PKIB: variants seen among roughly 807,000 people sequenced by gnomAD.
PKIB encodes the protein cAMP-dependent protein kinase inhibitor beta.
Under a neutral mutation model 4.5 loss-of-function variants are expected in PKIB, and 2 were observed. The observed-to-expected ratio is 0.44, with a 90% confidence interval of 0.18 to 1.39. The LOEUF (loss-of-function observed/expected upper bound fraction) is 1.39. Among genes scored for constraint, PKIB ranks in the 40% most tolerant of loss-of-function variants. The pLI is 0.27. For synonymous variants in PKIB, 38 were observed against 36.0 expected, an observed-to-expected ratio of 1.06 and a Z score of -0.20; for missense variants, 94 against 92.6, an observed-to-expected ratio of 1.02 and a Z score of -0.06.
intron 2 of PKIB, among the ~76,000 whole-genome samples, chr6:122,570,546 A>C (rs1773331499): frequency 6.6e-6 from 1 of 152,190 alleles, no homozygotes; most frequent in African/African-American, 2.4e-5. Context: ...ACCCCATATG[A>C]GACAGTGAAC....
At chr6:122,496,428 G>T (rs1776077629) in intron 2 of PKIB, among the ~76,000 whole-genome samples, 1 of 152,144 alleles carries the variant, frequency 6.6e-6, no homozygotes, top group African/African-American at 2.4e-5. Context: ...TCAAAGCATA[G>T]ATGTCAAGGA....
At chr6:122,690,345 G>A (rs1301711933) in intron 3 of PKIB, among the ~76,000 whole-genome samples, 1 of 151,710 alleles carries the variant, frequency 6.6e-6, no homozygotes, top group Admixed American at 6.6e-5. Context: ...GTTCCTTTTA[G>A]TGAAGATGAT....
At chr6:122,611,439 G>A (rs889531726) in intron 1 of PKIB, among the ~76,000 whole-genome samples, 1 of 152,170 alleles carries the variant, frequency 6.6e-6, no homozygotes, top group Non-Finnish European at 1.5e-5. Flanking sequence ...CACCCTGCAG[G>A]TGGTAGTGTT....
At chr6:122,587,028 G>GTT (rs758668733) in intron 3 of PKIB, among the ~76,000 whole-genome samples, 1 of 149,648 alleles carries the variant, frequency 6.7e-6, no homozygotes, top group African/African-American at 2.5e-5. Context: ...AAGCAATGTG[G>GTT]TTTTTTTTTT....
At chr6:122,588,044 A>G (rs1357095157) in intron 3 of PKIB, among the ~76,000 whole-genome samples, 1 of 152,038 alleles carries the variant, frequency 6.6e-6, no homozygotes, top group African/African-American at 2.4e-5. Context: ...CCCATTTGTC[A>G]GTTTTGGCTT....
At chr6:122,690,036 G>C (rs1432095497) in intron 3 of PKIB, among the ~76,000 whole-genome samples, 1 of 142,746 alleles carries the variant, frequency 7.0e-6, no homozygotes, top group East Asian at 2.3e-4. Flanking sequence ...TTTTTGTCTT[G>C]AAGTACATTT....
At chr6:122,520,621 C>G (rs1776903558) in intron 2 of PKIB, among the ~76,000 whole-genome samples, 1 of 151,914 alleles carries the variant, frequency 6.6e-6, no homozygotes, top group Admixed American at 6.6e-5. Flanking sequence ...TCTTCTTAAG[C>G]TCTCTCTGTA....
chr6:122,626,540 A>C (rs1428722270), intron 1 of PKIB, among the ~76,000 whole-genome samples: 7 of 152,222 alleles, frequency 4.6e-5, no homozygotes, highest in Non-Finnish European at 1.0e-4. Flanking sequence ...AACAATTCCT[A>C]AAGCTTCACA....
At chr6:122,683,032 T>C (rs1777960923) in intron 3 of PKIB, among the ~76,000 whole-genome samples, 1 of 152,134 alleles carries the variant, frequency 6.6e-6, no homozygotes, top group African/African-American at 2.4e-5. Context: ...TGTCTGCTCA[T>C]CTCCCACAGG....
At chr6:122,610,378 C>T (rs1412004059), upstream of PKIB, 4 of 152,308 alleles carry the variant, frequency 2.6e-5, no homozygotes, top group Non-Finnish European at 5.9e-5. Flanking sequence ...GCTGCCACCG[C>T]CTGGCTGCGC....
chr6:122,544,526 G>A (rs1192188606), intron 2 of PKIB, among the ~76,000 whole-genome samples: 1 of 151,982 alleles, frequency 6.6e-6, no homozygotes, highest in Non-Finnish European at 1.5e-5. Context: ...GCTACCCTGG[G>A]GTTCCAACCT....
At chr6:122,562,004 G>GTTTTTTTTTTTTTTTTTTTTTTTTTTTT (rs758656278) in intron 2 of PKIB, among the ~76,000 whole-genome samples, 4 of 79,478 alleles carry the variant, frequency 5.0e-5, no homozygotes, top group African/African-American at 5.1e-5. Context: ...GTTTTTTTTT[G>GTTTTTTTTTTTTTTTTTTTTTTTTTTTT]TTTTTTTTTT....
chr6:122,603,670 G>A (rs1461832473), intron 3 of PKIB, among the ~76,000 whole-genome samples: 2 of 151,994 alleles, frequency 1.3e-5, no homozygotes, highest in East Asian at 1.9e-4. Context: ...TAGTAGAGAT[G>A]GGGTTTTGCC....
chr6:122,611,913 T>C (rs1774777043), intron 1 of PKIB, among the ~76,000 whole-genome samples: 1 of 152,192 alleles, frequency 6.6e-6, no homozygotes, highest in South Asian at 2.1e-4. Flanking sequence ...AAAGGTGTTT[T>C]GGAAGTTCAA....
At chr6:122,692,053 C>T (rs749027247) in intron 3 of PKIB, among the ~76,000 whole-genome samples, 21 of 152,202 alleles carry the variant, frequency 1.4e-4, no homozygotes, top group Non-Finnish European at 2.6e-4. Context: ...CAGAGTCTCC[C>T]TGTCTGTGCT....
At chr6:122,705,846 G>A (rs1358705039) in intron 3 of PKIB, among the ~76,000 whole-genome samples, 3 of 152,110 alleles carry the variant, frequency 2.0e-5, no homozygotes, top group Non-Finnish European at 4.4e-5. Flanking sequence ...ATTACGGCAT[G>A]AGCCACTGCG....
At chr6:122,503,567 A>G (rs563003319) in intron 2 of PKIB, among the ~76,000 whole-genome samples, 1 of 152,180 alleles carries the variant, frequency 6.6e-6, no homozygotes, top group East Asian at 1.9e-4. Context: ...TTATGATTAT[A>G]GTGTCATTTT....
At chr6:122,530,567 GCCTT>G (rs2114615923) in intron 2 of PKIB, among the ~76,000 whole-genome samples, 1 of 152,220 alleles carries the variant, frequency 6.6e-6, no homozygotes, top group South Asian at 2.1e-4. Context: ...GTTATGTACT[GCCTT>G]CAAGCAGGGA....
chr6:122,644,805 A>G (rs1004646301), intron 2 of PKIB: 1 of 152,194 alleles, frequency 6.6e-6, no homozygotes, highest in Non-Finnish European at 1.5e-5. Flanking sequence ...ATTAATGATT[A>G]TACAGCTAAC....
Sources: gnomAD v4.1 joint callset for allele counts (sites outside exome capture counted in the v4.1 genomes callset) on GRCh38, gnomAD v4.1.1 for gene constraint, MANE v1.5 for transcripts, NCBI Gene and HGNC (gene_info 2026-07-23, HGNC 2026-07-21) for gene names.